Variants in GRAP2 observed in about 807,000 individuals in gnomAD.
The protein encoded by GRAP2 is GRB2-related adapter protein 2.
GRAP2 carries 31 observed loss-of-function variants against 43.5 expected under a neutral mutation model. The ratio of observed to expected loss-of-function variants is 0.71; its 90% CI spans 0.54 to 0.96. The LOEUF (loss-of-function observed/expected upper bound fraction) is 0.96, where lower values mean the gene tolerates loss of function less well. GRAP2 is among the 40% of genes least tolerant of loss of function. The pLI is 0.00. For synonymous variants in GRAP2, 156 were observed against 164.8 expected (o/e 0.95, Z 0.41); for missense variants, 371 against 424.4 (o/e 0.87, Z 1.11).
At chr22:39,931,173 C>T (rs2066751644) in intron 1 of GRAP2, among the ~76,000 whole-genome samples, 1 of 152,148 alleles carries the variant, frequency 6.6e-6, no homozygotes, top group South Asian at 2.1e-4. Flanking sequence ...AACGAATACA[C>T]AAAGCATATG....
intron 3 of GRAP2, among the ~76,000 whole-genome samples, chr22:39,956,876 C>T (rs541934758): frequency 2.6e-5 from 4 of 152,168 alleles, no homozygotes; most frequent in Non-Finnish European, 4.4e-5. Flanking sequence ...CACCCCACTT[C>T]GGGAGCTGCT....
chr22:39,931,379 A>G (rs985106797), intron 1 of GRAP2, among the ~76,000 whole-genome samples: 1 of 152,222 alleles, frequency 6.6e-6, no homozygotes, highest in Non-Finnish European at 1.5e-5. Flanking sequence ...TCATTCAAAC[A>G]ACAGAACCAC....
Position 39,946,900 on chromosome 22 carries a change from A to T in GRAP2, c.-14-193A>T. On this transcript the variant is annotated intron_variant, in intron 1 of 7. Transcript: ENST00000344138. Reference sequence around the variant, plus strand: ...TGGGGATTCCGAGAATGATCCCAGGACCTAGATCCTATAGATTCCGGCAGC... The same window carrying T: ...TGGGGATTCCGAGAATGATCCCAGGTCCTAGATCCTATAGATTCCGGCAGC... 9.1e-6 allele frequency: 5 copies of T among 546,478 alleles called. No individual in the cohort carries two copies. In the South Asian group the frequency reaches 9.3e-5, roughly 10 times the overall value. The allele number at this position is 546,478 out of a possible 1,614,324, so 33.9% of individuals were successfully genotyped here.
intron 1 of GRAP2, among the ~76,000 whole-genome samples, chr22:39,904,503 T>C (rs2066511391): frequency 6.6e-6 from 1 of 152,264 alleles, no homozygotes; most frequent in African/African-American, 2.4e-5. Context: ...TTGCTAACTC[T>C]TTGCCGTATT....
At chr22:39,905,574 A>G (rs2066517874) in intron 1 of GRAP2, among the ~76,000 whole-genome samples, 1 of 152,184 alleles carries the variant, frequency 6.6e-6, no homozygotes, top group Non-Finnish European at 1.5e-5. Flanking sequence ...CGATTTATAC[A>G]TTTAAGGTTC....
chr22:39,907,366 C>G (rs954300671), intron 1 of GRAP2, among the ~76,000 whole-genome samples: 2 of 152,176 alleles, frequency 1.3e-5, no homozygotes, highest in Admixed American at 6.5e-5. Context: ...ATTCTGGTGT[C>G]CATCCATCAT....
intron 1 of GRAP2, among the ~76,000 whole-genome samples, chr22:39,905,148 G>T (rs1223768809): frequency 2.0e-5 from 3 of 152,038 alleles, no homozygotes; most frequent in African/African-American, 4.8e-5. Context: ...CTCTCAGGGG[G>T]TATCTCAAAG....
intron 6 of GRAP2, among the ~76,000 whole-genome samples, chr22:39,969,210 C>CTGCCTT (rs1241795981): frequency 2.0e-5 from 3 of 152,204 alleles, no homozygotes; most frequent in Non-Finnish European, 4.4e-5. Flanking sequence ...TAAATAAAAC[C>CTGCCTT]TGCCTTTGCC....
intron 1 of GRAP2, among the ~76,000 whole-genome samples, chr22:39,906,330 C>T (rs1273015353): frequency 6.6e-6 from 1 of 152,098 alleles, no homozygotes; most frequent in Non-Finnish European, 1.5e-5. Context: ...TAGGTAAATT[C>T]CCTGGTTGGT....
At chr22:39,918,835 A>C (rs1456426290) in intron 1 of GRAP2, among the ~76,000 whole-genome samples, 1 of 152,236 alleles carries the variant, frequency 6.6e-6, no homozygotes, top group Non-Finnish European at 1.5e-5. Flanking sequence ...CTATGCACAA[A>C]GTCTGAGAGG....
intron 4 of GRAP2, chr22:39,961,060 C>A: frequency 6.6e-6 from 1 of 152,240 alleles, no homozygotes; most frequent in Non-Finnish European, 1.5e-5. Context: ...ATCTTCCCAC[C>A]TCAGCCTCTC....
intron 1 of GRAP2, among the ~76,000 whole-genome samples, chr22:39,917,562 A>AT (rs953416367): frequency 6.6e-6 from 1 of 152,124 alleles, no homozygotes. Flanking sequence ...AGATATGCTA[A>AT]TTTTTTTCTC....
intron 1 of GRAP2, among the ~76,000 whole-genome samples, chr22:39,907,288 A>G (rs937602496): frequency 3.3e-5 from 5 of 152,188 alleles, no homozygotes; most frequent in East Asian, 1.9e-4. Context: ...ACTCTCCCCA[A>G]TGGGGAAAAA....
At chr22:39,913,075 C>G (rs1456229730) in intron 1 of GRAP2, among the ~76,000 whole-genome samples, 1 of 151,852 alleles carries the variant, frequency 6.6e-6, no homozygotes, top group Non-Finnish European at 1.5e-5. Context: ...CGCCTGTAAT[C>G]CCAGCTACTC....
intron 1 of GRAP2, among the ~76,000 whole-genome samples, chr22:39,917,295 GC>G (rs1178737805): frequency 1.4e-4 from 21 of 152,096 alleles, no homozygotes; most frequent in Non-Finnish European, 2.5e-4. Context: ...GCAGCCCAAA[GC>G]CCCCCTCTCT....
At chr22:39,936,629 T>C (rs944198460) in intron 1 of GRAP2, among the ~76,000 whole-genome samples, 26 of 151,238 alleles carry the variant, frequency 1.7e-4, no homozygotes, top group Non-Finnish European at 8.8e-5. Context: ...GTGGGGAAAG[T>C]TGATGAAGGG....
intron 1 of GRAP2, among the ~76,000 whole-genome samples, chr22:39,915,271 C>A (rs909443929): frequency 1.3e-5 from 2 of 151,790 alleles, no homozygotes; most frequent in South Asian, 2.1e-4. Context: ...TGAAAGCCAC[C>A]CTTTTTTATT....
At chr22:39,912,154 C>T (rs1324122388) in intron 1 of GRAP2, among the ~76,000 whole-genome samples, 1 of 152,234 alleles carries the variant, frequency 6.6e-6, no homozygotes, top group Admixed American at 6.5e-5. Flanking sequence ...GGCATGGTGG[C>T]TCACGCCTGT....
intron 1 of GRAP2, among the ~76,000 whole-genome samples, chr22:39,938,726 G>A (rs958248560): frequency 1.3e-5 from 2 of 152,210 alleles, no homozygotes; most frequent in Admixed American, 6.5e-5. Context: ...ACCTGTCATC[G>A]GAGACAGCTC....
Sources: allele counts gnomAD v4.1 joint callset (sites outside exome capture counted in the v4.1 genomes callset), GRCh38; gene constraint gnomAD v4.1.1; transcripts MANE v1.5; gene names NCBI Gene and HGNC (gene_info 2026-07-23, HGNC 2026-07-21).